Variants in MARK3 observed in about 807,000 individuals in gnomAD.
MARK3 encodes the protein microtubule affinity regulating kinase 3.
A neutral mutation model predicts 90.1 loss-of-function variants in MARK3; 46 were observed. The ratio of observed to expected loss-of-function variants is 0.51; its 90% confidence interval spans 0.40 to 0.65. The LOEUF (loss-of-function observed/expected upper bound fraction) is 0.65. MARK3 is among the 30% of genes least tolerant of loss of function. MARK3 has a pLI of 0.00. For missense variants in MARK3, 818 were observed against 947.2 expected (o/e 0.86, Z 1.79); for synonymous variants, 321 against 332.6 (o/e 0.97, Z 0.38).
chr14:103,474,914 C>A (rs2141754655), intron 12 of MARK3, 79 bp from the exon 13 acceptor site: 4 of 1,152,932 alleles, frequency 3.5e-6, no homozygotes, highest in South Asian at 1.4e-5. Flanking sequence ...CTTAGATCAT[C>A]TTACAAAATA....
chr14:103,387,180 G>A (rs1282141548), intron 1 of MARK3, among the ~76,000 whole-genome samples: 1 of 152,202 alleles, frequency 6.6e-6, no homozygotes, highest in Non-Finnish European at 1.5e-5. Context: ...GTCCTGAGAT[G>A]TTGTGGCCTA....
intron 14 of MARK3, among the ~76,000 whole-genome samples, chr14:103,481,042 C>T (rs1249891273): frequency 6.6e-6 from 1 of 152,130 alleles, no homozygotes; most frequent in Non-Finnish European, 1.5e-5. Flanking sequence ...ATAGGATGAG[C>T]GTGACTTTAA....
At chr14:103,388,701 T>G (rs1245945206) in intron 1 of MARK3, among the ~76,000 whole-genome samples, 1 of 152,220 alleles carries the variant, frequency 6.6e-6, no homozygotes, top group African/African-American at 2.4e-5. Flanking sequence ...AGCCCCTGGG[T>G]AACCACTGAT....
chr14:103,478,433 A>G (rs1432705678), intron 13 of MARK3, among the ~76,000 whole-genome samples: 1 of 145,580 alleles, frequency 6.9e-6, no homozygotes, highest in African/African-American at 2.6e-5. Flanking sequence ...GCCTGTTCTG[A>G]ATATTTTATA....
intron 3 of MARK3, among the ~76,000 whole-genome samples, chr14:103,428,993 C>G (rs1360356068): frequency 6.6e-6 from 1 of 152,160 alleles, no homozygotes; most frequent in Non-Finnish European, 1.5e-5. Flanking sequence ...AGTCTTTGCC[C>G]TAGTGCCTTT....
chr14:103,404,164 T>A (rs1035639139), intron 1 of MARK3, among the ~76,000 whole-genome samples: 4 of 152,220 alleles, frequency 2.6e-5, no homozygotes, highest in Non-Finnish European at 5.9e-5. Context: ...TTGAGTAAAT[T>A]ACAAAGCAGT....
rs564191844 is a variant in MARK3, at chr14:103,415,848, A to G, written c.243+10581A>G. On this transcript the variant is annotated intron_variant, in intron 2 of 17. Transcript: ENST00000429436. ...TTTCTTATCCCTCTTTTTCCTCAGC[A>G]TTATTACTCAAAGGCCCCAACTTTT... Among the ~76,000 whole-genome samples the G allele has an allele frequency of 5.3e-5, 8 of 152,290 alleles. No individual in the cohort carries two copies. In the East Asian group the frequency reaches 1.3e-3, roughly 26 times the overall value.
chr14:103,459,942 A>G (rs2093361391), intron 6 of MARK3, among the ~76,000 whole-genome samples: 1 of 151,912 alleles, frequency 6.6e-6, no homozygotes, highest in South Asian at 2.1e-4. Context: ...TCCCTTTTCC[A>G]TATTCATCAC....
intron 2 of MARK3, among the ~76,000 whole-genome samples, chr14:103,415,420 C>T (rs1199047505): frequency 1.3e-5 from 2 of 152,052 alleles, no homozygotes; most frequent in Non-Finnish European, 2.9e-5. Flanking sequence ...AATACATGTA[C>T]CAGTTGTGAA....
rs148218831 is a variant in MARK3, at chr14:103,476,917, C to T, written c.1482+1707C>T. ...TTCCATACTCCTGCAGTTAAAATTC[C>T]GTCTCCAACGTTTGTTGACAGTTAC... On this transcript the variant is annotated intron_variant, in intron 13 of 17. Transcript: ENST00000429436. Among the ~76,000 whole-genome samples the T allele has an allele frequency of 9.3e-4, 142 of 152,246 alleles. 2 individuals are homozygous for T. The highest frequency in any genetic ancestry group is 3.4e-3 in the African/African-American group (141 of 41,548).
At chr14:103,488,983 C>T (rs1430721375) in intron 14 of MARK3, among the ~76,000 whole-genome samples, 2 of 152,224 alleles carry the variant, frequency 1.3e-5, no homozygotes, top group Non-Finnish European at 2.9e-5. Flanking sequence ...TTGTTGAATA[C>T]CTGCCCTGCC....
intron 13 of MARK3, among the ~76,000 whole-genome samples, chr14:103,477,373 T>C (rs1334208603): frequency 1.3e-5 from 2 of 152,050 alleles, no homozygotes; most frequent in African/African-American, 4.8e-5. Context: ...GCTCCTGTAA[T>C]CCTAGCTATT....
intron 5 of MARK3, among the ~76,000 whole-genome samples, chr14:103,455,454 C>T (rs115663032): frequency 0.011 from 1,613 of 152,172 alleles, 22 homozygotes; most frequent in African/African-American, 0.037. Flanking sequence ...AGGCTGGGCA[C>T]GGTGGCTCAC....
chr14:103,465,325 A>T (rs1293360243), intron 7 of MARK3, among the ~76,000 whole-genome samples: 1 of 152,134 alleles, frequency 6.6e-6, no homozygotes, highest in Non-Finnish European at 1.5e-5. Context: ...TGGGACATTG[A>T]TGTTTAAATT....
chr14:103,461,887 T>G (rs540997043), intron 6 of MARK3, among the ~76,000 whole-genome samples: 1 of 151,962 alleles, frequency 6.6e-6, no homozygotes, highest in African/African-American at 2.4e-5. Context: ...AAATACGAAA[T>G]TGGCCGGGCA....
chr14:103,389,190 C>T (rs1189877525), intron 1 of MARK3, among the ~76,000 whole-genome samples: 3 of 151,604 alleles, frequency 2.0e-5, no homozygotes, highest in Non-Finnish European at 2.9e-5. Flanking sequence ...TGGTGAAACC[C>T]TGTCTCTACT....
intron 13 of MARK3, among the ~76,000 whole-genome samples, chr14:103,478,533 TG>T (rs1421567952): frequency 6.6e-5 from 10 of 152,140 alleles, no homozygotes; most frequent in African/African-American, 2.4e-4. Flanking sequence ...ATTTGTAGCA[TG>T]TATTTTCTTT....
Position 103,468,113 on chromosome 14 carries a change from T to A in MARK3, c.1191T>A (p.Thr397=). 6.2e-7 allele frequency: 1 copy of A among 1,613,970 alleles called. No individual in the cohort carries two copies. The highest frequency in any genetic ancestry group is 8.5e-7 in the Non-Finnish European group (1 of 1,179,962). ...CGAGCAGTGATCTCAACAACAGTAC[T>A]GGCCAGTCTCCTCACCACAAAGTGC... ...VRPSSDLNNS[T]GQSPHHKVQR... Residue 397 remains threonine (T), a synonymous_variant, in exon 12 of 18, where the codon ACT becomes ACA. Coordinates refer to ENST00000429436, the MANE Select transcript of MARK3 (RefSeq NM_001128918.3).
chr14:103,388,266 T>A (rs890416079), intron 1 of MARK3, among the ~76,000 whole-genome samples: 6 of 152,372 alleles, frequency 3.9e-5, no homozygotes, highest in Non-Finnish European at 7.3e-5. Context: ...TGACTTTTTT[T>A]AAAAATCAAG....
Sources: allele counts gnomAD v4.1 joint callset (sites outside exome capture counted in the v4.1 genomes callset), GRCh38; gene constraint gnomAD v4.1.1; transcripts MANE v1.5; gene names NCBI Gene and HGNC (gene_info 2026-07-23, HGNC 2026-07-21).